GNAL: variants seen among roughly 807,000 people sequenced by gnomAD.
The protein encoded by GNAL is guanine nucleotide-binding protein G(olf) subunit alpha.
Under a neutral mutation model 55.1 loss-of-function variants are expected in GNAL, and 18 were observed. The ratio of observed to expected loss-of-function variants is 0.33; its 90% CI spans 0.23 to 0.48. The LOEUF (loss-of-function observed/expected upper bound fraction) is 0.48, where lower values mean the gene tolerates loss of function less well. GNAL is among the 20% of genes least tolerant of loss of function. The pLI is 0.99. For missense variants in GNAL, 412 were observed against 614.1 expected, an observed-to-expected ratio of 0.67 and a Z score of 3.48; for synonymous variants, 253 against 237.0, an observed-to-expected ratio of 1.07 and a Z score of -0.62.
rs372873698 is a variant in GNAL at position 11,771,027 on chromosome 18, C to T, written c.624+17082C>T. Among the ~76,000 whole-genome samples, 472 of 151,858 alleles carry T rather than the reference C, an allele frequency of 3.1e-3. 2 individuals are homozygous for T. Among genetic ancestry groups the T allele is most frequent in the African/African-American group, 0.011 (455 of 41,412 alleles). On this transcript the variant is annotated intron_variant, in intron 4 of 11. Transcript: ENST00000334049. Reference sequence around the variant, plus strand: ...GTCGGGAGTTTGAGACCAGCCTGGCCAACATGATCAAACCCTGTCTCTACT... The same window carrying T: ...GTCGGGAGTTTGAGACCAGCCTGGCTAACATGATCAAACCCTGTCTCTACT...
chr18:11,872,518 T>C, intron 10 of GNAL, 120 bp downstream of exon 10: 2 of 667,840 alleles, frequency 3.0e-6, no homozygotes, highest in Non-Finnish European at 5.1e-6. Context: ...AAATCAATTT[T>C]CTTTCTACTG....
chr18:11,728,495 C>A (rs2143431635), intron 1 of GNAL, among the ~76,000 whole-genome samples: 1 of 152,284 alleles, frequency 6.6e-6, no homozygotes, highest in East Asian at 1.9e-4. Flanking sequence ...TTCATCAAGT[C>A]TCAGCAGCAC....
At chr18:11,731,994 A>G (rs186685736) in intron 1 of GNAL, among the ~76,000 whole-genome samples, 22 of 152,244 alleles carry the variant, frequency 1.4e-4, no homozygotes, top group Admixed American at 1.3e-3. Flanking sequence ...GTTTTTATCT[A>G]TGTGTAACAT....
At chr18:11,853,481 AC>A (rs1196940943) in intron 5 of GNAL, 1 of 167,076 alleles carries the variant, frequency 6.0e-6, no homozygotes, top group African/African-American at 2.4e-5. Flanking sequence ...TTTTTAACTT[AC>A]CCTTTCCTTC....
In GNAL at chr18:11,752,320, C is replaced by T. The variant is rs1006598712; in HGVS notation, c.377-533C>T. The T allele has an allele frequency of 4.1e-6, 6 of 1,474,946 alleles. No individual in the cohort carries two copies. In the Middle Eastern group the frequency reaches 5.5e-4, roughly 136 times the overall value. 91.4% of individuals were successfully genotyped at this position (1,474,946 alleles called of 1,614,324 possible). A position where few individuals can be genotyped will look rare whatever the true frequency, so the allele number is the denominator to read the frequency against. ...GAAAACACCGAAGAGACCAGACCAT[C>T]TCTTTCAGCAGCAGGAAAGAGAGGA... On this transcript the variant is annotated intron_variant, in intron 1 of 11. Transcript: ENST00000334049. The surrounding 1 kb of genome is among the most constrained non-coding windows in gnomAD (Gnocchi z 4.5).
chr18:11,821,618 A>G (rs1307052297), intron 4 of GNAL, among the ~76,000 whole-genome samples: 1 of 152,262 alleles, frequency 6.6e-6, no homozygotes, highest in African/African-American at 2.4e-5. Flanking sequence ...AGGAAGTGAG[A>G]AAACAGCAGA....
intron 5 of GNAL, among the ~76,000 whole-genome samples, chr18:11,835,273 C>G (rs2035474696): frequency 6.6e-6 from 1 of 151,256 alleles, no homozygotes; most frequent in African/African-American, 2.4e-5. Context: ...TGAAATACAT[C>G]AAAAATAAGA....
At chr18:11,723,663 T>C (rs1342159755) in intron 1 of GNAL, among the ~76,000 whole-genome samples, 1 of 152,212 alleles carries the variant, frequency 6.6e-6, no homozygotes, top group Non-Finnish European at 1.5e-5. Context: ...TTTGCATTAA[T>C]ACCCCAGAAA....
At chr18:11,837,183 G>A (rs949087912) in intron 5 of GNAL, among the ~76,000 whole-genome samples, 4 of 152,106 alleles carry the variant, frequency 2.6e-5, no homozygotes, top group South Asian at 2.1e-4. Flanking sequence ...TAGTGCTGGC[G>A]TTTCACCATG....
chr18:11,698,490 C>CAAAAAA (rs201762409), intron 1 of GNAL, among the ~76,000 whole-genome samples: 35 of 88,400 alleles, frequency 4.0e-4, no homozygotes, highest in African/African-American at 9.3e-4. Flanking sequence ...GACTCTGTCT[C>CAAAAAA]AAAAAAAAAA....
At chr18:11,792,680 T>C (rs969741900) in intron 4 of GNAL, among the ~76,000 whole-genome samples, 3 of 152,260 alleles carry the variant, frequency 2.0e-5, no homozygotes, top group African/African-American at 7.2e-5. Flanking sequence ...GCATGGTGCC[T>C]AGCACAGAGT....
At chr18:11,805,762 T>C (rs540194819) in intron 4 of GNAL, among the ~76,000 whole-genome samples, 165 of 152,350 alleles carry the variant, frequency 1.1e-3, no homozygotes, top group African/African-American at 3.9e-3. Flanking sequence ...GTGAGCACTT[T>C]GGTTGATTCC....
At chr18:11,844,691 T>C (rs796255818) in intron 5 of GNAL, among the ~76,000 whole-genome samples, 7 of 152,182 alleles carry the variant, frequency 4.6e-5, no homozygotes, top group African/African-American at 1.7e-4. Flanking sequence ...CATCTACCAA[T>C]ACTCAATGCA....
chr18:11,705,750 CTTTTTT>C (rs749198189), intron 1 of GNAL, among the ~76,000 whole-genome samples: 2 of 118,368 alleles, frequency 1.7e-5, no homozygotes, highest in Non-Finnish European at 3.5e-5. Flanking sequence ...ATTTCTATGT[CTTTTTT>C]TTTTTTTTTT....
Position 11,689,777 on chromosome 18 carries a change from A to C in GNAL, c.214A>C (p.Lys72Gln). ...CGCTCGGCCCAAAGCAGACAAGCCGAAGGAGAAGCGGCAGCGCACCGAGCA... is the reference window on the plus strand; with the variant it reads ...CGCTCGGCCCAAAGCAGACAAGCCGCAGGAGAAGCGGCAGCGCACCGAGCA... ...ACARPKADKP[K>Q]EKRQRTEQLS... Residue 72 changes from lysine to glutamine, a missense_variant, in exon 1 of 12, where the codon AAG (lysine) becomes CAG (glutamine). Lys to Gln is a moderately conservative substitution (Grantham distance 53, BLOSUM62 1). Around this residue, in one of 5 missense-constraint regions of GNAL, gnomAD observed 228 missense variants for 194.8 expected, o/e 1.17. Coordinates refer to ENST00000334049, the MANE Select transcript of GNAL (RefSeq NM_182978.4). 1 of 1,528,476 alleles carries C rather than the reference A, an allele frequency of 6.5e-7. No homozygotes were observed. The highest frequency in any genetic ancestry group is 8.8e-7 in the Non-Finnish European group (1 of 1,140,912). 94.7% of individuals were successfully genotyped at this position (1,528,476 alleles called of 1,614,324 possible). A position where few individuals can be genotyped will look rare whatever the true frequency, so the allele number is the denominator to read the frequency against.
intron 4 of GNAL, among the ~76,000 whole-genome samples, chr18:11,806,652 G>A (rs756995845): frequency 1.1e-4 from 17 of 151,842 alleles, no homozygotes; most frequent in African/African-American, 1.7e-4. Context: ...TCACATAGAC[G>A]TCCTCCTGTT....
chr18:11,730,065 G>A (rs564320721), intron 1 of GNAL, among the ~76,000 whole-genome samples: 1 of 150,124 alleles, frequency 6.7e-6, no homozygotes, highest in Non-Finnish European at 1.5e-5. Context: ...ACAGAGTCTC[G>A]CTCTTTCGCC....
chr18:11,804,902 C>A (rs201484858), intron 4 of GNAL, among the ~76,000 whole-genome samples: 289 of 41,456 alleles, frequency 7.0e-3, no homozygotes, highest in African/African-American at 0.014. Context: ...TGTAGTGGTG[C>A]AGTACAGGTG....
At chr18:11,724,523 G>T (rs558500493) in intron 1 of GNAL, among the ~76,000 whole-genome samples, 2 of 152,134 alleles carry the variant, frequency 1.3e-5, no homozygotes, top group Non-Finnish European at 2.9e-5. Flanking sequence ...CCACACACAC[G>T]ACCTGAGTCT....
Sources: gnomAD v4.1 joint callset for allele counts (sites outside exome capture counted in the v4.1 genomes callset) on GRCh38, gnomAD v4.1.1 for gene constraint, gnomAD v4.1.1 regional missense constraint, Gnocchi (gnomAD v3.1) non-coding constraint, MANE v1.5 for transcripts, NCBI Gene and HGNC (gene_info 2026-07-23, HGNC 2026-07-21) for gene names.